MEGF11: variants seen among roughly 807,000 people sequenced by gnomAD.
The protein encoded by MEGF11 is multiple epidermal growth factor-like domains protein 11.
In MEGF11, 126 loss-of-function variants were observed where a neutral mutation model predicts 146.6. The ratio of observed to expected loss-of-function variants is 0.86; its 90% CI spans 0.74 to 1.00. The LOEUF (loss-of-function observed/expected upper bound fraction) is 1.00, where lower values mean the gene tolerates loss of function less well. MEGF11 is among the 50% of genes least tolerant of loss of function. The probability of loss-of-function intolerance (pLI) is 0.00; values close to 1 mark genes in which losing one functional copy is unlikely to be tolerated. For missense variants in MEGF11, 1,509 were observed against 1,521.2 expected (o/e 0.99, Z 0.13); for synonymous variants, 532 against 583.4 (o/e 0.91, Z 1.27).
At chr15:66,095,587 A>G (rs764325695) in intron 4 of MEGF11, among the ~76,000 whole-genome samples, 1 of 152,212 alleles carries the variant, frequency 6.6e-6, no homozygotes, top group Non-Finnish European at 1.5e-5. Flanking sequence ...GGGTTAAACA[A>G]CAAGGCTCAT....
Position 66,128,353 on chromosome 15 carries a change from G to T in MEGF11, c.51C>A (p.Thr17=), listed in dbSNP as rs1296426769. The T allele has an allele frequency of 3.3e-6, 5 of 1,525,580 alleles. No individual in the cohort carries two copies. Among genetic ancestry groups the T allele is most frequent in the South Asian group, 2.5e-5 (2 of 80,120 alleles). 94.5% of individuals were successfully genotyped at this position (1,525,580 alleles called of 1,614,324 possible). A position where few individuals can be genotyped will look rare whatever the true frequency, so the allele number is the denominator to read the frequency against. Residue 17 remains threonine (T), a synonymous_variant, in exon 2 of 26, where the codon ACC becomes ACA. Transcript: ENST00000395614. ...GLIAFSFLQA[T]LALNPEDPNV... is the part of the protein sequence containing the mutation. ...TGGGGTCCTCGGGGTTCAGGGCAAG[G>T]GTGGCTTGCAGGAAGGAGAAGGCAA...
chr15:65,964,511 A>AG (rs75329153), intron 9 of MEGF11, among the ~76,000 whole-genome samples: 21,495 of 152,078 alleles, frequency 0.14, 2,249 homozygotes, highest in East Asian at 0.6. Flanking sequence ...ACGCAAGTGG[A>AG]GGGAAATATT....
Position 65,929,823 on chromosome 15 carries a change from T to C in MEGF11, c.1469A>G (p.Asn490Ser), listed in dbSNP as rs1169888995. The change falls in exon 12 of 26, where the codon AAC (asparagine) becomes AGC (serine). Residue 490 changes from asparagine to serine, a missense_variant. By Grantham distance (46) the Asn-to-Ser change is conservative. Transcript: ENST00000395614. ...CPSGTWGLNC[N>S]ESCTCANGAA... The stretch of plus-strand genomic sequence containing the variant: ...CCCATTGGCACAGGTGCAGCTCTCG[T>C]TGCAGTTCAGGCCCCACGTCCCACT... 1 of 1,587,894 alleles carries C rather than the reference T, an allele frequency of 6.3e-7. No homozygotes were observed. Among genetic ancestry groups the C allele is most frequent in the African/African-American group, 1.3e-5 (1 of 74,290 alleles).
intron 5 of MEGF11, among the ~76,000 whole-genome samples, chr15:66,051,262 G>T (rs1213349794): frequency 6.6e-6 from 1 of 152,172 alleles, no homozygotes; most frequent in East Asian, 1.9e-4. Flanking sequence ...AGTCAAGACT[G>T]GGAGATGAGT....
intron 5 of MEGF11, among the ~76,000 whole-genome samples, chr15:66,044,875 A>T (rs170782): frequency 1.5e-5 from 2 of 134,640 alleles, no homozygotes; most frequent in Non-Finnish European, 3.1e-5. Context: ...AAAAAAAAAA[A>T]AAAAAGAAAT....
chr15:66,005,318 T>A (rs898213593), intron 5 of MEGF11, among the ~76,000 whole-genome samples: 11 of 152,190 alleles, frequency 7.2e-5, no homozygotes, highest in African/African-American at 2.7e-4. Context: ...CTGATAGCCT[T>A]TGTGACCCAG....
intron 1 of MEGF11, among the ~76,000 whole-genome samples, chr15:66,140,390 G>C (rs1395293071): frequency 6.6e-6 from 1 of 150,726 alleles, no homozygotes; most frequent in Admixed American, 6.6e-5. Context: ...CCTTATTCCT[G>C]GAGGCAAAAT....
chr15:66,174,945 AT>A (rs954868234), intron 1 of MEGF11, among the ~76,000 whole-genome samples: 4 of 152,016 alleles, frequency 2.6e-5, no homozygotes, highest in Admixed American at 1.3e-4. Flanking sequence ...GCTCCTAAGT[AT>A]TTTTTTGTAG....
intron 1 of MEGF11, among the ~76,000 whole-genome samples, chr15:66,157,146 C>T (rs1361073972): frequency 2.6e-5 from 4 of 152,194 alleles, no homozygotes; most frequent in African/African-American, 7.2e-5. Flanking sequence ...CAGCTAACAG[C>T]TCCTGGATCA....
chr15:66,023,935 C>G (rs1357213119), intron 5 of MEGF11, among the ~76,000 whole-genome samples: 3 of 152,090 alleles, frequency 2.0e-5, no homozygotes, highest in African/African-American at 7.2e-5. Flanking sequence ...GGGGAGCATA[C>G]AGGGTTGCCA....
At chr15:66,032,002 T>C (rs2083539178) in intron 5 of MEGF11, among the ~76,000 whole-genome samples, 1 of 152,204 alleles carries the variant, frequency 6.6e-6, no homozygotes, top group African/African-American at 2.4e-5. Flanking sequence ...TAGATTCTCA[T>C]GGGAGCACAC....
At chr15:65,944,188 G>A (rs1190960238) in intron 10 of MEGF11, among the ~76,000 whole-genome samples, 1 of 152,114 alleles carries the variant, frequency 6.6e-6, no homozygotes, top group Admixed American at 6.6e-5. Flanking sequence ...AGGCACACAG[G>A]GATGAAATGG....
chr15:65,950,166 C>G (rs962318981), intron 10 of MEGF11, among the ~76,000 whole-genome samples: 2 of 152,168 alleles, frequency 1.3e-5, no homozygotes, highest in East Asian at 1.9e-4. Context: ...TCATCAACAG[C>G]AATAACAGCT....
At chr15:66,221,242 A>T (rs1436377728) in intron 1 of MEGF11, among the ~76,000 whole-genome samples, 1 of 150,158 alleles carries the variant, frequency 6.7e-6, no homozygotes, top group Non-Finnish European at 1.5e-5. Context: ...CCTCTCTGCG[A>T]CTCTCCTTGG....
rs1567205809 is a variant in MEGF11, at chr15:66,021,865, A to G, written c.395-39377T>C. Among the ~76,000 whole-genome samples the G allele has an allele frequency of 2.6e-5, 4 of 152,226 alleles. No individual in the cohort carries two copies. The South Asian group carries it at 8.3e-4, about 31-fold the overall frequency. On this transcript the variant is annotated intron_variant, in intron 5 of 25. Transcript: ENST00000395614. ...ACTATTCCATTTGCAAGAGTTTGCA[A>G]ATTTCAAAGTGGTTTCTGGCAAGAC... is the stretch of plus-strand genomic sequence containing the variant.
chr15:65,942,041 A>G (rs1333553366), intron 10 of MEGF11, among the ~76,000 whole-genome samples: 1 of 152,124 alleles, frequency 6.6e-6, no homozygotes, highest in Admixed American at 6.5e-5. Context: ...CAGGGAGAGA[A>G]TTCCCTTCCT....
chr15:66,018,644 G>T (rs2082980633), intron 5 of MEGF11, among the ~76,000 whole-genome samples: 1 of 151,684 alleles, frequency 6.6e-6, no homozygotes, highest in South Asian at 2.1e-4. Context: ...TGTGCGAGCG[G>T]GTGCCTGCCT....
rs1720557199 is a variant in MEGF11, at chr15:65,987,717, AT to A, written c.395-5230del. Among the ~76,000 whole-genome samples the A allele has an allele frequency of 3.3e-5, 5 of 151,776 alleles. No homozygotes were observed. In the South Asian group the frequency reaches 1.0e-3, roughly 32 times the overall value. ...TAAGCTTCTTTCTTTCTATTTTATT[AT>A]TTTTATTTTTTTGACAGAGTCTTAC... On this transcript the variant is annotated intron_variant, in intron 5 of 25. Coordinates refer to ENST00000395614, the MANE Select transcript of MEGF11 (RefSeq NM_001385028.1).
chr15:66,166,585 G>A (rs561680068), intron 1 of MEGF11, among the ~76,000 whole-genome samples: 1 of 152,148 alleles, frequency 6.6e-6, no homozygotes, highest in African/African-American at 2.4e-5. Flanking sequence ...GATCTGGTTC[G>A]TGTCCTCCCT....
Sources: gnomAD v4.1 joint callset for allele counts (sites outside exome capture counted in the v4.1 genomes callset) on GRCh38, gnomAD v4.1.1 for gene constraint, MANE v1.5 for transcripts, NCBI Gene and HGNC (gene_info 2026-07-23, HGNC 2026-07-21) for gene names.